RGS20: variants seen among roughly 807,000 people sequenced by gnomAD.
The protein encoded by RGS20 is regulator of G protein signaling 20, also known as gz-selective GTPase-activating protein.
Under a neutral mutation model 33.6 loss-of-function variants are expected in RGS20, and 30 were observed. The observed-to-expected ratio is 0.89, with a 90% CI of 0.67 to 1.21. The LOEUF (loss-of-function observed/expected upper bound fraction) is 1.21. RGS20 is among the 50% of genes most tolerant of loss of function. RGS20 has a pLI of 0.00. For missense variants in RGS20, 472 were observed against 502.4 expected (o/e 0.94, Z 0.58); for synonymous variants, 208 against 197.9 (o/e 1.05, Z -0.43).
chr8:53,900,972 G>T (rs1813001131), intron 2 of RGS20, among the ~76,000 whole-genome samples: 1 of 151,886 alleles, frequency 6.6e-6, no homozygotes, highest in Non-Finnish European at 1.5e-5. Context: ...GGCTCCATGG[G>T]ACACTCCTCC....
intron 3 of RGS20, 109 bp downstream of exon 2, chr8:53,939,833 TAA>T: frequency 7.5e-7 from 1 of 1,327,856 alleles, no homozygotes; most frequent in Non-Finnish European, 1.0e-6. Flanking sequence ...GTTAATTCAA[TAA>T]GTGTTTTTTA....
chr8:53,857,852 A>C (rs1811712628), intron 1 of RGS20, among the ~76,000 whole-genome samples: 1 of 152,192 alleles, frequency 6.6e-6, no homozygotes, highest in South Asian at 2.1e-4. Flanking sequence ...GCTTGTAATC[A>C]TGTATATTTC....
intron 2 of RGS20, among the ~76,000 whole-genome samples, chr8:53,919,585 ATTTT>A (rs1235120491): frequency 7.8e-6 from 1 of 129,006 alleles, no homozygotes; most frequent in Non-Finnish European, 1.7e-5. Context: ...GAAGCATAAC[ATTTT>A]TTCTTTTTTT....
chr8:53,873,440 C>T (rs1812122973), intron 1 of RGS20, among the ~76,000 whole-genome samples: 1 of 152,214 alleles, frequency 6.6e-6, no homozygotes, highest in Admixed American at 6.5e-5. Flanking sequence ...TTTTCTGTCT[C>T]TTTGAATTTG....
At chr8:53,869,533 G>A (rs576229087) in intron 1 of RGS20, among the ~76,000 whole-genome samples, 2 of 151,982 alleles carry the variant, frequency 1.3e-5, no homozygotes, top group Admixed American at 6.6e-5. Flanking sequence ...AAAATTAGCC[G>A]GGCATGCTGG....
chr8:53,881,831 C>A (rs978443210), intron 2 of RGS20, among the ~76,000 whole-genome samples: 1 of 152,062 alleles, frequency 6.6e-6, no homozygotes, highest in Non-Finnish European at 1.5e-5. Context: ...TCTTCCGCAC[C>A]CTCGGAGCTG....
chr8:53,957,970 C>T (rs1275082272), intron 5 of RGS20, among the ~76,000 whole-genome samples: 6 of 152,046 alleles, frequency 3.9e-5, no homozygotes, highest in South Asian at 2.1e-4. Context: ...GGAGAAACCC[C>T]GTCTCTACTA....
intron 2 of RGS20, among the ~76,000 whole-genome samples, chr8:53,924,457 G>A (rs1279890035): frequency 2.6e-5 from 4 of 152,010 alleles, no homozygotes; most frequent in Admixed American, 6.6e-5. Flanking sequence ...CAAAGTGCTA[G>A]GATTACAGGC....
At position 53,946,761 on chromosome 8, in the gene RGS20, G is replaced by T; in HGVS notation, c.743+13G>T. The T allele has an allele frequency of 6.2e-7, 1 of 1,606,438 alleles. No homozygotes were observed. Among genetic ancestry groups the T allele is most frequent in the Non-Finnish European group, 8.5e-7 (1 of 1,174,954 alleles). The stretch of plus-strand genomic sequence containing the variant: ...CCTGGGAAGAAAGGTGAAATCACAC[G>T]TTTTTTTTACCTCACTAAACTAACA... On this transcript the variant is annotated intron_variant, in intron 4 of 5. Coordinates refer to ENST00000297313, the MANE Select transcript of RGS20 (RefSeq NM_170587.4).
chr8:53,881,584 C>A (rs1403571384), intron 2 of RGS20, among the ~76,000 whole-genome samples: 1 of 151,958 alleles, frequency 6.6e-6, no homozygotes, highest in Non-Finnish European at 1.5e-5. Flanking sequence ...GGAATCGTAG[C>A]GCCTCCTTTT....
intron 2 of RGS20, among the ~76,000 whole-genome samples, chr8:53,907,797 C>T (rs1013972009): frequency 1.3e-5 from 2 of 151,992 alleles, no homozygotes; most frequent in African/African-American, 4.8e-5. Context: ...AATGAGGGGC[C>T]AAAAGATTTA....
chr8:53,944,448 G>C (rs1231574645), intron 3 of RGS20, among the ~76,000 whole-genome samples: 1 of 150,960 alleles, frequency 6.6e-6, no homozygotes, highest in African/African-American at 2.4e-5. Context: ...TGAGGGAGGA[G>C]AATCACTTAA....
intron 2 of RGS20, among the ~76,000 whole-genome samples, chr8:53,935,314 G>A (rs1814098194): frequency 6.6e-6 from 1 of 152,108 alleles, no homozygotes; most frequent in African/African-American, 2.4e-5. Context: ...AATGAATCAA[G>A]GAGCTGGTTT....
intron 3 of RGS20, 131 bp from the exon 3 acceptor site, chr8:53,946,534 A>ATT: frequency 4.9e-6 from 4 of 814,142 alleles, no homozygotes; most frequent in East Asian, 2.5e-5. Flanking sequence ...AACTGGGGTC[A>ATT]TTTTTTTTTC....
intron 4 of RGS20, among the ~76,000 whole-genome samples, chr8:53,950,288 C>A (rs1814672322): frequency 6.6e-6 from 1 of 151,996 alleles, no homozygotes; most frequent in African/African-American, 2.4e-5. Flanking sequence ...ATTAGTGAAC[C>A]TGAAGGTATC....
At position 53,879,849 on chromosome 8, in the gene RGS20, T is replaced by G. The variant is rs532478584; in HGVS notation, c.510+247T>G. ...TTCCTGGGCCATTTCCTTTCCATGG[T>G]CCAAGAAAACGGGAGGGAGCCCTCG... On this transcript the variant is annotated intron_variant, in intron 2 of 5. Coordinates refer to ENST00000297313, the MANE Select transcript of RGS20 (RefSeq NM_170587.4). 4 of 417,770 alleles carry G rather than the reference T, an allele frequency of 9.6e-6. No homozygotes were observed. The East Asian group carries it at 1.1e-4, about 12-fold the overall frequency. The allele number at this position is 417,770 out of a possible 1,614,324, so 25.9% of individuals were successfully genotyped here.
intron 4 of RGS20, among the ~76,000 whole-genome samples, chr8:53,947,545 C>T (rs1182957725): frequency 1.6e-5 from 2 of 128,680 alleles, no homozygotes; most frequent in Admixed American, 8.4e-5. Context: ...ATAGTATATA[C>T]ATTTATATAT....
intron 1 of RGS20, chr8:53,876,407 T>TC (rs1463987053): frequency 6.6e-6 from 1 of 152,206 alleles, no homozygotes; most frequent in East Asian, 1.9e-4. Context: ...AATAAAGTAT[T>TC]CCCCAAGTAT....
intron 2 of RGS20, among the ~76,000 whole-genome samples, chr8:53,889,412 CTTTT>C (rs34316630): frequency 3.1e-4 from 13 of 41,858 alleles, no homozygotes; most frequent in African/African-American, 7.4e-4. Context: ...CTCTCTCTCT[CTTTT>C]TTTTTTTTTT....
Sources: allele counts gnomAD v4.1 joint callset (sites outside exome capture counted in the v4.1 genomes callset), GRCh38; gene constraint gnomAD v4.1.1; transcripts MANE v1.5; gene names NCBI Gene and HGNC (gene_info 2026-07-23, HGNC 2026-07-21).